Variants in NBEAL2 observed in about 807,000 individuals in gnomAD.
NBEAL2 encodes neurobeachin-like protein 2.
NBEAL2 carries 160 observed loss-of-function variants against 299.8 expected under a neutral mutation model. The observed-to-expected ratio is 0.53, with a 90% CI of 0.47 to 0.61. The LOEUF (loss-of-function observed/expected upper bound fraction) is 0.61. Among genes scored for constraint, NBEAL2 ranks in the 20% least tolerant of loss-of-function variants. The pLI is 0.00. For missense variants in NBEAL2, 3,112 were observed against 3,649.0 expected (o/e 0.85, Z 3.79); for synonymous variants, 1,493 against 1,542.3 (o/e 0.97, Z 0.75).
At chr3:46,997,513 A>T in intron 19 of NBEAL2, 48 bp from the exon 20 acceptor site, 1 of 1,585,470 alleles carries the variant, frequency 6.3e-7, no homozygotes, top group African/African-American at 1.3e-5. Flanking sequence ...TCTCCTGGCC[A>T]CTGGCAGGCC....
chr3:46,988,556 A>C lies in NBEAL2; in HGVS notation c.52-113A>C. 1.6e-6 allele frequency: 1 copy of C among 628,340 alleles called. No homozygotes were observed. Among genetic ancestry groups the C allele is most frequent in the Non-Finnish European group, 2.5e-6 (1 of 402,374 alleles). 38.9% of individuals were successfully genotyped at this position (628,340 alleles called of 1,614,324 possible). ...CCACTCTGCCTTTAACCCCTTGTCC[A>C]TGCCCTCTGTCCACCTCCATTCATT... On this transcript the variant is annotated intron_variant, in intron 1 of 53. Coordinates refer to ENST00000450053, the MANE Select transcript of NBEAL2 (RefSeq NM_015175.3). This position sits in a 1 kb window ranked among gnomAD's most constrained non-coding sequence, Gnocchi z 4.4.
chr3:47,006,100 A>G lies in NBEAL2; in HGVS notation c.6919+37A>G, dbSNP rs369253282. 5.0e-6 allele frequency: 8 copies of G among 1,613,014 alleles called. No individual in the cohort carries two copies. In the African/African-American group the frequency reaches 9.3e-5, roughly 19 times the overall value. On this transcript the variant is annotated intron_variant, in intron 43 of 53. Transcript: ENST00000450053. ...GCTGGACTCCAGTCAGGGCCAGGACAAGATCAGGTCGGGTGGATGCAGAGG... is the reference window on the plus strand; with the variant it reads ...GCTGGACTCCAGTCAGGGCCAGGACGAGATCAGGTCGGGTGGATGCAGAGG...
At position 46,980,452 on chromosome 3, in the gene NBEAL2, C is replaced by G. The variant is rs570610029; in HGVS notation, c.51+540C>G. 2.9e-3 allele frequency among the ~76,000 whole-genome samples: 440 copies of G among 152,190 alleles called. 4 individuals are homozygous for G. The highest frequency in any genetic ancestry group is 6.8e-3 in the Middle Eastern group (2 of 294). On this transcript the variant is annotated intron_variant, in intron 1 of 53. Coordinates refer to ENST00000450053, the MANE Select transcript of NBEAL2 (RefSeq NM_015175.3). Reference sequence around the variant, plus strand: ...TTCTTGAGTTGCATCCCCCCACACCCCAGCGAACAGGCTGTGATAAGCTCT... The same window carrying G: ...TTCTTGAGTTGCATCCCCCCACACCGCAGCGAACAGGCTGTGATAAGCTCT...
chr3:46,994,006 T>A lies in NBEAL2; in HGVS notation c.1183T>A (p.Ser395Thr). 6.2e-7 allele frequency: 1 copy of A among 1,610,594 alleles called. No individual in the cohort carries two copies. Among genetic ancestry groups the A allele is most frequent in the Non-Finnish European group, 8.5e-7 (1 of 1,178,720 alleles). Residue 395 changes from serine to threonine, a missense_variant, in exon 11 of 54, where the codon TCC (serine) becomes ACC (threonine). Around this residue, in one of 3 missense-constraint regions of NBEAL2, gnomAD observed 2,243 missense variants for 2,538.1 expected, o/e 0.88. Transcript: ENST00000450053. Reference protein sequence around the residue: ...VRVLTCIMSDSPSAKEVFKER... With the variant: ...VRVLTCIMSDTPSAKEVFKER... ...AGTGCTGACCTGCATCATGAGTGACTCCCCCTCGGCCAAGGTGAGGCTGCT... is the reference window on the plus strand; with the variant it reads ...AGTGCTGACCTGCATCATGAGTGACACCCCCTCGGCCAAGGTGAGGCTGCT...
Position 47,004,706 on chromosome 3 carries a change from T to C in NBEAL2, c.6294+116T>C, listed in dbSNP as rs2037295014. The C allele has an allele frequency of 1.7e-6, 2 of 1,175,848 alleles. No individual in the cohort carries two copies. The highest frequency in any genetic ancestry group is 2.5e-6 in the Non-Finnish European group (2 of 799,886). 72.8% of individuals were successfully genotyped at this position (1,175,848 alleles called of 1,614,324 possible). A position where few individuals can be genotyped will look rare whatever the true frequency, so the allele number is the denominator to read the frequency against. ...AGCTCTGAGCTTGGTCAAGGGTAGA[T>C]GTGCCAATGAAGACCTGGCCTCTGT... On this transcript the variant is annotated intron_variant, in intron 38 of 53. Transcript: ENST00000450053. This position sits in a 1 kb window ranked among gnomAD's most constrained non-coding sequence, Gnocchi z 5.0.
At chr3:47,008,725 A>G in intron 52 of NBEAL2, 57 bp downstream of exon 52, 1 of 1,603,394 alleles carries the variant, frequency 6.2e-7, no homozygotes, top group Non-Finnish European at 8.5e-7. Context: ...TTGGTGTAGG[A>G]TAAAGGCCCT....
In NBEAL2 at chr3:47,000,117, C is replaced by G. The variant is rs1022734729; in HGVS notation, c.4018C>G (p.Pro1340Ala). The G allele has an allele frequency of 6.2e-7, 1 of 1,613,850 alleles. No homozygotes were observed. Among genetic ancestry groups the G allele is most frequent in the Non-Finnish European group, 8.5e-7 (1 of 1,179,890 alleles). ...DVFLPSEAPC[P>A]DPDGFYHALS... Reference sequence around the variant, plus strand: ...CTTCCTGCCCTCAGAGGCCCCCTGCCCTGACCCTGATGGCTTTTACCATGC... The same window carrying G: ...CTTCCTGCCCTCAGAGGCCCCCTGCGCTGACCCTGATGGCTTTTACCATGC... The change falls in exon 27 of 54, where the codon CCT (proline) becomes GCT (alanine). Residue 1340 changes from proline (P) to alanine (A), a missense_variant. Coordinates refer to ENST00000450053, the MANE Select transcript of NBEAL2 (RefSeq NM_015175.3). The surrounding 1 kb of genome is among the most constrained non-coding windows in gnomAD (Gnocchi z 4.5).
rs752159961 is a variant in NBEAL2 at position 47,008,083 on chromosome 3, T to C, written c.7616T>C (p.Val2539Ala). ...WRLLHQGGLS[V>A]GLAPKPVQVL... ...GGTCCTCCACAGGGTGGTCTGTCAG[T>C]AGGCCTGGCACCAAAGCCTGTGCAG... The change falls in exon 50 of 54, where the codon GTA becomes GCA. Residue 2539 changes from valine (V) to alanine (A), a missense_variant. By Grantham distance (64) the Val-to-Ala change is moderately conservative. Around this residue, in one of 3 missense-constraint regions of NBEAL2, gnomAD observed 348 missense variants for 381.4 expected, o/e 0.91. Transcript: ENST00000450053. The C allele has an allele frequency of 2.2e-5, 36 of 1,613,830 alleles. No homozygotes were observed. The Middle Eastern group carries it at 6.6e-4, about 29-fold the overall frequency.
Position 47,006,356 on chromosome 3 carries a change from A to G in NBEAL2, c.7041A>G (p.Ser2347=). ...AGGAGCCACATCCAACTCGGCTCTC[A>G]GCTGAGGAAGCAGCCCATCGCCTTG... The part of the protein sequence containing the change: ...LLKEPHPTRL[S]AEEAAHRLAR... The change falls in exon 45 of 54, where the codon TCA becomes TCG. Residue 2347 remains serine (S), a synonymous_variant. Transcript: ENST00000450053. The G allele has an allele frequency of 6.3e-7, 1 of 1,596,630 alleles. No individual in the cohort carries two copies. Among genetic ancestry groups the G allele is most frequent in the Admixed American group, 1.7e-5 (1 of 57,312 alleles).
rs1559614217 is a variant in NBEAL2 at position 47,003,269 on chromosome 3, GACC to G, written c.5682_5684del (p.Asp1894_Gln1895delinsGlu). 6.2e-7 allele frequency: 1 copy of G among 1,613,132 alleles called. No individual in the cohort carries two copies. The highest frequency in any genetic ancestry group is 1.3e-5 in the African/African-American group (1 of 75,062). ...CACCCCACCCGAGTTGCTGCAGGAGGACCAGCTCGGCGAGGACGAGCTGGCTGA... is the reference window on the plus strand; with the variant it reads ...CACCCCACCCGAGTTGCTGCAGGAGGAGCTCGGCGAGGACGAGCTGGCTGA... On this transcript the variant is annotated inframe_deletion, in exon 35 of 54. Coordinates refer to ENST00000450053, the MANE Select transcript of NBEAL2 (RefSeq NM_015175.3). This position sits in a 1 kb window ranked among gnomAD's most constrained non-coding sequence, Gnocchi z 7.0.
chr3:46,979,784 T>G lies in NBEAL2; in HGVS notation c.-78T>G. 1 of 369,180 alleles carries G rather than the reference T, an allele frequency of 2.7e-6. No individual in the cohort carries two copies. 22.9% of individuals were successfully genotyped at this position (369,180 alleles called of 1,614,324 possible). A position where few individuals can be genotyped will look rare whatever the true frequency, so the allele number is the denominator to read the frequency against. ...GAGTGACGCCCTCCGCCCATGGGCC[T>G]GGCCGAGGGCAACCGGCGGGCGGCG... On this transcript the variant is annotated 5_prime_UTR_variant, in exon 1 of 54. Coordinates refer to ENST00000450053, the MANE Select transcript of NBEAL2 (RefSeq NM_015175.3).
At position 47,009,582 on chromosome 3, in the gene NBEAL2, G is replaced by A. The variant is rs895596239; in HGVS notation, c.*262G>A. 2.0e-6 allele frequency: 1 copy of A among 497,638 alleles called. No individual in the cohort carries two copies. Among genetic ancestry groups the A allele is most frequent in the African/African-American group, 2.1e-5 (1 of 48,558 alleles). 30.8% of individuals were successfully genotyped at this position (497,638 alleles called of 1,614,324 possible). On this transcript the variant is annotated 3_prime_UTR_variant, in exon 54 of 54. Transcript: ENST00000450053. ...AGCAGCACTTTTTGCACAGTCTGGGGCGGGGTTCCCCGGCTTCCAAGTCGC... is the reference window on the plus strand; with the variant it reads ...AGCAGCACTTTTTGCACAGTCTGGGACGGGGTTCCCCGGCTTCCAAGTCGC...
In NBEAL2 at chr3:46,991,641, G is replaced by A; in HGVS notation, c.878G>A (p.Ser293Asn). Residue 293 changes from serine to asparagine, a missense_variant, in exon 8 of 54, where the codon AGC becomes AAC. Transcript: ENST00000450053. This position sits in a 1 kb window ranked among gnomAD's most constrained non-coding sequence, Gnocchi z 6.2. ...AATGCTGACTGGCCAGCTGGTCTGA[G>A]CTCAGGCCCCGAAGAGGCCCTTGTC... ...VLNADWPAGLSSGPEEALVTL... is the reference protein window; with the variant it reads ...VLNADWPAGLNSGPEEALVTL... 6.3e-7 allele frequency: 1 copy of A among 1,599,696 alleles called. No individual in the cohort carries two copies. Among genetic ancestry groups the A allele is most frequent in the South Asian group, 1.1e-5 (1 of 91,032 alleles).
Position 46,998,826 on chromosome 3 carries a change from C to T in NBEAL2, c.3331C>T (p.Gln1111Ter). 6.4e-7 allele frequency: 1 copy of T among 1,573,712 alleles called. No individual in the cohort carries two copies. The highest frequency in any genetic ancestry group is 8.6e-7 in the Non-Finnish European group (1 of 1,159,840). ...LVRSLSADDV[Q>*]VTQTMLSFLA... Reference sequence around the variant, plus strand: ...GCGGAGTCTCTCAGCAGATGACGTGCAGGTCACGCAGACCATGCTGAGCTT... The same window carrying T: ...GCGGAGTCTCTCAGCAGATGACGTGTAGGTCACGCAGACCATGCTGAGCTT... The change falls in exon 23 of 54, where the codon CAG becomes TAG. Residue 1111 changes from glutamine to a stop codon, truncating the protein, a stop_gained. Transcript: ENST00000450053. LOFTEE classifies it high-confidence loss of function.
rs749475347 is a variant in NBEAL2, at chr3:46,996,391, C to A, written c.2272C>A (p.Gln758Lys). 1 of 1,612,020 alleles carries A rather than the reference C, an allele frequency of 6.2e-7. No individual in the cohort carries two copies. Among genetic ancestry groups the A allele is most frequent in the African/African-American group, 1.3e-5 (1 of 74,930 alleles). Residue 758 changes from glutamine to lysine, a missense_variant, in exon 16 of 54, where the codon CAG (glutamine) becomes AAG (lysine). Gln to Lys is a moderately conservative substitution (Grantham distance 53). Around this residue, in one of 3 missense-constraint regions of NBEAL2, gnomAD observed 2,243 missense variants for 2,538.1 expected, o/e 0.88. Coordinates refer to ENST00000450053, the MANE Select transcript of NBEAL2 (RefSeq NM_015175.3). ...CACTCACCCCGCCCTCACCCGCTCC[C>A]AGTCAGTCCCAGCCTCCACAGGGCT... is the stretch of plus-strand genomic sequence containing the variant. Reference protein sequence around the residue: ...AYTHPALTRSQSVPASTGLGW... With the variant: ...AYTHPALTRSKSVPASTGLGW...
In NBEAL2 at chr3:46,991,207, C is replaced by A. The variant is rs2036057466; in HGVS notation, c.557-12C>A. On this transcript the variant is annotated splice_polypyrimidine_tract_variant and intron_variant, in intron 6 of 53. Transcript: ENST00000450053. This position sits in a 1 kb window ranked among gnomAD's most constrained non-coding sequence, Gnocchi z 6.2. ...CTTGGTGACATTACCCTGCCCACAC[C>A]CCCCTACCCAGAGAGCCTACAGAAT... 1.3e-6 allele frequency: 2 copies of A among 1,597,486 alleles called. No homozygotes were observed. The highest frequency in any genetic ancestry group is 8.5e-7 in the Non-Finnish European group (1 of 1,171,048).
chr3:46,999,200 G>A (rs2036757816), intron 24 of NBEAL2, 83 bp downstream of exon 24: 1 of 1,533,692 alleles, frequency 6.5e-7, no homozygotes, highest in Non-Finnish European at 8.8e-7. Context: ...CAGGCCTTGG[G>A]CCAGCGGATG....
chr3:46,979,748 G>A lies in NBEAL2; in HGVS notation c.-114G>A. 1 of 325,886 alleles carries A rather than the reference G, an allele frequency of 3.1e-6. No homozygotes were observed. The highest frequency in any genetic ancestry group is 5.0e-5 in the Admixed American group (1 of 20,100). The allele number at this position is 325,886 out of a possible 1,614,324, so 20.2% of individuals were successfully genotyped here. On this transcript the variant is annotated 5_prime_UTR_variant, in exon 1 of 54. Transcript: ENST00000450053. ...CAGACTTCCCCAGTAGTACCGCGCC[G>A]CTCCGCCCCGGAGTGACGCCCTCCG...
chr3:46,989,233 G>C lies in NBEAL2; in HGVS notation c.352-27G>C. ...GGAGGCAGGCGGTAGCCATGGCGGGGCTAACCCTCTCTCCCCACACCTACA... is the reference window on the plus strand; with the variant it reads ...GGAGGCAGGCGGTAGCCATGGCGGGCCTAACCCTCTCTCCCCACACCTACA... On this transcript the variant is annotated intron_variant, in intron 4 of 53. Transcript: ENST00000450053. This position sits in a 1 kb window ranked among gnomAD's most constrained non-coding sequence, Gnocchi z 5.5. 6.2e-7 allele frequency: 1 copy of C among 1,612,346 alleles called. No homozygotes were observed. The highest frequency in any genetic ancestry group is 8.5e-7 in the Non-Finnish European group (1 of 1,179,136).
Sources: gnomAD v4.1 joint callset for allele counts (sites outside exome capture counted in the v4.1 genomes callset) on GRCh38, gnomAD v4.1.1 for gene constraint, gnomAD v4.1.1 regional missense constraint, Gnocchi (gnomAD v3.1) non-coding constraint, MANE v1.5 for transcripts, NCBI Gene and HGNC (gene_info 2026-07-23, HGNC 2026-07-21) for gene names.